Variants in UBR1 observed in about 807,000 individuals in gnomAD.
UBR1 encodes ubiquitin protein ligase E3 component n-recognin 1.
Under a neutral mutation model 242.1 loss-of-function variants are expected in UBR1, and 102 were observed. That is an observed-to-expected ratio of 0.42 (90% confidence interval 0.36 to 0.50). The LOEUF (loss-of-function observed/expected upper bound fraction) is 0.50. Among genes scored for constraint, UBR1 ranks in the 20% least tolerant of loss-of-function variants. The pLI, the probability that UBR1 is intolerant of heterozygous loss-of-function variation, is 0.01. For missense variants in UBR1, 1,772 were observed against 2,101.8 expected, an observed-to-expected ratio of 0.84 and a Z score of 3.07; for synonymous variants, 675 against 684.8, an observed-to-expected ratio of 0.99 and a Z score of 0.22.
chr15:43,036,315 T>C, intron 18 of UBR1, 36 bp from the exon 19 acceptor site: 1 of 1,564,222 alleles, frequency 6.4e-7, no homozygotes, highest in South Asian at 1.1e-5. Context: ...TTCTTCTGTA[T>C]TATATGGAGA....
At chr15:42,999,025 C>T (rs993706129) in intron 32 of UBR1, among the ~76,000 whole-genome samples, 5 of 149,582 alleles carry the variant, frequency 3.3e-5, no homozygotes, top group African/African-American at 1.2e-4. Context: ...CAACCAACCT[C>T]TGCCTCCTGG....
chr15:42,945,604 G>C, intron 46 of UBR1, 134 bp from the exon 47 acceptor site: 3 of 969,082 alleles, frequency 3.1e-6, no homozygotes, highest in East Asian at 2.8e-5. Flanking sequence ...CTTAAAAAGG[G>C]ATATTTTCCC....
chr15:43,084,235 G>A (rs917771542), intron 2 of UBR1, among the ~76,000 whole-genome samples: 7 of 151,932 alleles, frequency 4.6e-5, no homozygotes, highest in Non-Finnish European at 1.0e-4. Context: ...CTGTGCATTA[G>A]GATGTTTAGC....
Position 43,027,765 on chromosome 15 carries a change from T to C in UBR1, c.2432+11A>G. On this transcript the variant is annotated intron_variant, in intron 22 of 46. Transcript: ENST00000290650. ...TACCTTTTAGAATAAGCATAAATAT[T>C]AAGCACTTACTTAAATGTGGCCACT... The C allele has an allele frequency of 6.2e-7, 1 of 1,609,366 alleles. No homozygotes were observed. The highest frequency in any genetic ancestry group is 8.5e-7 in the Non-Finnish European group (1 of 1,176,408).
Position 43,038,154 on chromosome 15 carries a change from TTAG to T in UBR1, c.1911+14_1911+16del. On this transcript the variant is annotated intron_variant, in intron 16 of 46. Transcript: ENST00000290650. Reference sequence around the variant, plus strand: ...AAACAGAATATAAGCAAATCAATACTTAGTAGAATCACTTACAAAAGACACAAA... The same window carrying T: ...AAACAGAATATAAGCAAATCAATACTTAGAATCACTTACAAAAGACACAAA... 3 of 1,613,078 alleles carry T rather than the reference TTAG, an allele frequency of 1.9e-6. No individual in the cohort carries two copies. The highest frequency in any genetic ancestry group is 2.5e-6 in the Non-Finnish European group (3 of 1,179,096).
intron 29 of UBR1, among the ~76,000 whole-genome samples, chr15:43,014,680 C>T (rs1322845325): frequency 6.6e-6 from 1 of 151,684 alleles, no homozygotes; most frequent in East Asian, 2.0e-4. Flanking sequence ...CCCCTCCGCC[C>T]AGCAGCCACC....
chr15:43,101,956 GAC>G (rs2034240556), intron 1 of UBR1, among the ~76,000 whole-genome samples: 1 of 106,080 alleles, frequency 9.4e-6, no homozygotes, highest in Non-Finnish European at 1.7e-5. Context: ...GACAGAGAGA[GAC>G]CTTGGCTCAC....
chr15:42,958,894 G>A (rs549548233), intron 43 of UBR1, among the ~76,000 whole-genome samples: 8 of 152,254 alleles, frequency 5.3e-5, no homozygotes, highest in South Asian at 2.1e-4. Context: ...GCAATGGTGC[G>A]ATCTCGGCTC....
chr15:43,102,431 T>C (rs1267108530), intron 1 of UBR1, among the ~76,000 whole-genome samples: 1 of 152,194 alleles, frequency 6.6e-6, no homozygotes, highest in Non-Finnish European at 1.5e-5. Context: ...CACAGAGATA[T>C]AAATTTGGGA....
chr15:43,047,753 T>C (rs2033503658), intron 13 of UBR1, among the ~76,000 whole-genome samples: 1 of 152,156 alleles, frequency 6.6e-6, no homozygotes, highest in Non-Finnish European at 1.5e-5. Context: ...GCCAAAAAAA[T>C]ATGTGTTGTG....
intron 6 of UBR1, among the ~76,000 whole-genome samples, chr15:43,063,281 G>A (rs1460717933): frequency 6.6e-6 from 1 of 152,140 alleles, no homozygotes; most frequent in African/African-American, 2.4e-5. Flanking sequence ...GGCAAACACT[G>A]GGAGACACAG....
chr15:43,042,800 T>A (rs1178212623), intron 15 of UBR1, among the ~76,000 whole-genome samples: 1 of 152,174 alleles, frequency 6.6e-6, no homozygotes, highest in South Asian at 2.1e-4. Flanking sequence ...AATGGCCAAT[T>A]TACATGGAAA....
intron 10 of UBR1, among the ~76,000 whole-genome samples, chr15:43,057,099 T>C (rs2033628203): frequency 6.6e-6 from 1 of 152,112 alleles, no homozygotes; most frequent in Admixed American, 6.5e-5. Flanking sequence ...GGGGTAACCA[T>C]GGTGTACAAA....
chr15:42,968,191 C>A (rs1299596654), intron 40 of UBR1, among the ~76,000 whole-genome samples: 2 of 152,038 alleles, frequency 1.3e-5, no homozygotes, highest in Non-Finnish European at 2.9e-5. Context: ...AAAATCCAAT[C>A]ATCTTTTGTC....
chr15:43,035,198 T>A (rs1445548638), intron 19 of UBR1, among the ~76,000 whole-genome samples: 2 of 152,186 alleles, frequency 1.3e-5, no homozygotes, highest in Non-Finnish European at 1.5e-5. Flanking sequence ...ACATTCACAA[T>A]GATACAATTT....
intron 6 of UBR1, among the ~76,000 whole-genome samples, chr15:43,060,597 C>T (rs2033671837): frequency 6.6e-6 from 1 of 152,144 alleles, no homozygotes; most frequent in African/African-American, 2.4e-5. Context: ...TTCCTTGTAG[C>T]TCATTCTTTT....
At chr15:43,034,724 A>G (rs2033308326) in intron 19 of UBR1, among the ~76,000 whole-genome samples, 1 of 151,916 alleles carries the variant, frequency 6.6e-6, no homozygotes, top group Non-Finnish European at 1.5e-5. Context: ...TGTCTCTACT[A>G]AAAATACAAA....
intron 12 of UBR1, among the ~76,000 whole-genome samples, chr15:43,054,529 CA>C (rs1026197718): frequency 2.0e-5 from 3 of 152,174 alleles, no homozygotes; most frequent in African/African-American, 7.2e-5. Context: ...GGCCTCTCCT[CA>C]ATACCTTCTT....
Position 42,990,332 on chromosome 15 carries a change from C to T in UBR1, c.3758-212G>A, listed in dbSNP as rs570337233. Among the ~76,000 whole-genome samples, 7 of 152,264 alleles carry T rather than the reference C, an allele frequency of 4.6e-5. No individual in the cohort carries two copies. The South Asian group carries it at 1.5e-3, about 32-fold the overall frequency. On this transcript the variant is annotated intron_variant, in intron 33 of 46. Coordinates refer to ENST00000290650, the MANE Select transcript of UBR1 (RefSeq NM_174916.3). ...GTGACTACAGGCATGTGCCACCATG[C>T]CTGCCTAGTTTTTAAACAATTTTTT...
Sources: allele counts gnomAD v4.1 joint callset (sites outside exome capture counted in the v4.1 genomes callset), GRCh38; gene constraint gnomAD v4.1.1; transcripts MANE v1.5; gene names NCBI Gene and HGNC (gene_info 2026-07-23, HGNC 2026-07-21).